PDK1: variants seen among roughly 807,000 people sequenced by gnomAD.
PDK1 encodes the protein [Pyruvate dehydrogenase (acetyl-transferring)] kinase isozyme 1, mitochondrial.
Under a neutral mutation model 54.2 loss-of-function variants are expected in PDK1, and 39 were observed. The ratio of observed to expected loss-of-function variants is 0.72; its 90% CI spans 0.56 to 0.94. PDK1 has a LOEUF of 0.94. Ranked by LOEUF, PDK1 falls within the 40% of genes least tolerant of loss-of-function variation. The pLI is 0.00. For missense variants in PDK1, 552 were observed against 566.0 expected (o/e 0.98, Z 0.25); for synonymous variants, 221 against 207.1 (o/e 1.07, Z -0.58).
the PDK1 span, among the ~76,000 whole-genome samples, chr2:172,618,393 G>A: frequency 6.6e-6 from 1 of 152,146 alleles, no homozygotes; most frequent in Non-Finnish European, 1.5e-5. Context: ...GGATACATTG[G>A]TCCAATGTTT....
chr2:172,570,884 G>T (rs2149232105), intron 8 of PDK1, 60 bp downstream of exon 8: 1 of 922,512 alleles, frequency 1.1e-6, no homozygotes, highest in South Asian at 1.4e-5. Context: ...GAACAGACAT[G>T]CAAAGGTAAC....
In PDK1 at chr2:172,596,199, A is replaced by C; in HGVS notation, c.*230A>C. 1 of 346,056 alleles carries C rather than the reference A, an allele frequency of 2.9e-6. No homozygotes were observed. Among genetic ancestry groups the C allele is most frequent in the South Asian group, 8.7e-5 (1 of 11,550 alleles). 21.4% of individuals were successfully genotyped at this position (346,056 alleles called of 1,614,324 possible). On this transcript the variant is annotated 3_prime_UTR_variant, in exon 11 of 11. Transcript: ENST00000282077. ...AGTTAATTGAACATATTTTTAAACAACTGTAGTTTTGGGCAACTTTTCACT... is the reference window on the plus strand; with the variant it reads ...AGTTAATTGAACATATTTTTAAACACCTGTAGTTTTGGGCAACTTTTCACT...
chr2:172,668,850 C>A, the PDK1 span, among the ~76,000 whole-genome samples: 1 of 145,508 alleles, frequency 6.9e-6, no homozygotes, highest in African/African-American at 2.5e-5. Context: ...TATACACACA[C>A]ACACATATAT....
chr2:172,558,438 G>A (rs1688470491), intron 1 of PDK1, among the ~76,000 whole-genome samples: 1 of 152,188 alleles, frequency 6.6e-6, no homozygotes, highest in Non-Finnish European at 1.5e-5. Context: ...ATCACTTTAA[G>A]GATGCAAATT....
intron 7 of PDK1, 48 bp from the exon 8 acceptor site, chr2:172,570,676 TTC>T: frequency 2.7e-6 from 3 of 1,097,150 alleles, no homozygotes; most frequent in Non-Finnish European, 2.8e-6. Flanking sequence ...AAATTACACT[TTC>T]TCTTTTCTAA....
chr2:172,713,294 A>C, the PDK1 span, among the ~76,000 whole-genome samples: 1 of 152,178 alleles, frequency 6.6e-6, no homozygotes. Context: ...GCTTGGAAAA[A>C]GTACTGTAAG....
the PDK1 span, among the ~76,000 whole-genome samples, chr2:172,635,912 C>T: frequency 3.9e-5 from 6 of 152,320 alleles, no homozygotes; most frequent in African/African-American, 7.2e-5. Flanking sequence ...AACTGCTTCC[C>T]GTACCTTGCC....
chr2:172,711,028 C>T, the PDK1 span, among the ~76,000 whole-genome samples: 1 of 152,176 alleles, frequency 6.6e-6, no homozygotes, highest in Non-Finnish European at 1.5e-5. Flanking sequence ...ACTTTCACTG[C>T]AAAACTAAAA....
chr2:172,658,238 G>A, the PDK1 span, among the ~76,000 whole-genome samples: 2 of 152,200 alleles, frequency 1.3e-5, no homozygotes, highest in Admixed American at 6.5e-5. Flanking sequence ...CAGGGACCCC[G>A]AATGGAGGGA....
chr2:172,574,505 A>G (rs1689471991), intron 8 of PDK1, among the ~76,000 whole-genome samples: 1 of 152,214 alleles, frequency 6.6e-6, no homozygotes, highest in African/African-American at 2.4e-5. Context: ...AAGTGTTGCC[A>G]TCTTAGAGTT....
chr2:172,583,280 G>GTTTT (rs1401815533), intron 8 of PDK1, among the ~76,000 whole-genome samples: 1 of 93,918 alleles, frequency 1.1e-5, no homozygotes. Context: ...AAAGTTTTCT[G>GTTTT]GTTTTTTTTT....
intron 9 of PDK1, among the ~76,000 whole-genome samples, chr2:172,591,043 C>T (rs1342387413): frequency 6.6e-6 from 1 of 152,172 alleles, no homozygotes; most frequent in African/African-American, 2.4e-5. Flanking sequence ...CAGAGGGGAA[C>T]TCTTTAGGCC....
rs1691179349 is a variant in PDK1 at position 172,603,375 on chromosome 2, A to G, written c.*7406A>G. The G allele has an allele frequency of 6.6e-6, 1 of 152,226 alleles. No individual in the cohort carries two copies. Among genetic ancestry groups the G allele is most frequent in the South Asian group, 2.1e-4 (1 of 4,830 alleles). 9.4% of individuals were successfully genotyped at this position (152,226 alleles called of 1,614,324 possible). On this transcript the variant is annotated 3_prime_UTR_variant, in exon 11 of 11. Transcript: ENST00000282077. ...AAACCCATTAGTTAATCTTTGTGAC[A>G]TCTGAATTTTAAGGATCTTACCCAG...
At chr2:172,564,802 T>C (rs1688846771) in intron 4 of PDK1, 115 bp downstream of exon 4, 1 of 1,012,718 alleles carries the variant, frequency 9.9e-7, no homozygotes, top group Non-Finnish European at 1.4e-6. Flanking sequence ...TTTTGGCTAA[T>C]TAAGAAAAAT....
intron 3 of PDK1, 90 bp downstream of exon 3, chr2:172,562,381 A>C: frequency 2.5e-6 from 2 of 806,578 alleles, no homozygotes; most frequent in East Asian, 4.9e-5. Context: ...CTACTTTAGA[A>C]CATGTGATAT....
chr2:172,581,122 T>TCCCTCTGTTGCCCAGGCTGGAGTGC (rs1689881993), intron 8 of PDK1, among the ~76,000 whole-genome samples: 1 of 152,190 alleles, frequency 6.6e-6, no homozygotes, highest in Non-Finnish European at 1.5e-5. Flanking sequence ...AGATGGAGTC[T>TCCCTCTGTTGCCCAGGCTGGAGTGC]CCCTCTGTTG....
intron 9 of PDK1, among the ~76,000 whole-genome samples, chr2:172,589,638 G>T (rs984449899): frequency 1.3e-5 from 2 of 152,142 alleles, no homozygotes; most frequent in African/African-American, 4.8e-5. Context: ...GATTTGTACG[G>T]GCAAACAGAG....
At chr2:172,628,938 G>GGGA in the PDK1 span, among the ~76,000 whole-genome samples, 1 of 152,070 alleles carries the variant, frequency 6.6e-6, no homozygotes, top group Non-Finnish European at 1.5e-5. Context: ...GGGCAACATA[G>GGGA]GGAGACCCAA....
At chr2:172,617,807 CTG>C in the PDK1 span, among the ~76,000 whole-genome samples, 2 of 152,124 alleles carry the variant, frequency 1.3e-5, no homozygotes, top group Non-Finnish European at 2.9e-5. Context: ...GATATAATGA[CTG>C]TGAATATTTT....
Sources: gnomAD v4.1 joint callset for allele counts (sites outside exome capture counted in the v4.1 genomes callset) on GRCh38, gnomAD v4.1.1 for gene constraint, MANE v1.5 for transcripts, NCBI Gene and HGNC (gene_info 2026-07-23, HGNC 2026-07-21) for gene names.